DLC1: variants seen among roughly 807,000 people sequenced by gnomAD.
DLC1 encodes the protein DLC1 Rho GTPase activating protein.
Under a neutral mutation model 140.3 loss-of-function variants are expected in DLC1, and 54 were observed. The observed-to-expected ratio is 0.38, with a 90% CI of 0.31 to 0.48. The LOEUF (loss-of-function observed/expected upper bound fraction) is 0.48, where lower values mean the gene tolerates loss of function less well. Ranked by LOEUF, DLC1 falls within the 20% of genes least tolerant of loss-of-function variation. The probability of loss-of-function intolerance (pLI) is 0.96; values close to 1 mark genes in which losing one functional copy is unlikely to be tolerated. For missense variants in DLC1, 2,536 were observed against 1,907.0 expected, an observed-to-expected ratio of 1.33 and a Z score of -6.14; for synonymous variants, 986 against 728.1, an observed-to-expected ratio of 1.35 and a Z score of -5.70.
At chr8:13,298,542 C>G (rs1832054415) in intron 5 of DLC1, among the ~76,000 whole-genome samples, 1 of 152,128 alleles carries the variant, frequency 6.6e-6, no homozygotes, top group Non-Finnish European at 1.5e-5. Flanking sequence ...CACACAAAGA[C>G]AATATTCTTA....
intron 5 of DLC1, among the ~76,000 whole-genome samples, chr8:13,215,755 A>T (rs145717633): frequency 1.4e-4 from 22 of 152,326 alleles, no homozygotes; most frequent in African/African-American, 5.3e-4. Context: ...TGTGTTGATT[A>T]TTTATAAAAT....
chr8:13,128,589 T>C (rs142453068), intron 5 of DLC1, among the ~76,000 whole-genome samples: 6,339 of 152,234 alleles, frequency 0.042, 207 homozygotes, highest in Middle Eastern at 0.061. Flanking sequence ...TCCCAGCACT[T>C]TGGGAGGCCG....
intron 1 of DLC1, among the ~76,000 whole-genome samples, chr8:13,587,228 A>G (rs139186128): frequency 0.011 from 1,717 of 152,020 alleles, 29 homozygotes; most frequent in African/African-American, 0.039. Context: ...AACCCCTCAC[A>G]TTTGAAGAGA....
At chr8:13,099,046 A>G (rs1818750029) in intron 9 of DLC1, among the ~76,000 whole-genome samples, 1 of 127,872 alleles carries the variant, frequency 7.8e-6, no homozygotes, top group Admixed American at 7.7e-5. Context: ...CACAATATAA[A>G]GTGCACCATT....
intron 5 of DLC1, among the ~76,000 whole-genome samples, chr8:13,203,303 A>G (rs1323193734): frequency 1.3e-5 from 2 of 152,190 alleles, no homozygotes; most frequent in African/African-American, 4.8e-5. Context: ...TATTTGAATG[A>G]TTTCTTTTTT....
At chr8:13,590,307 T>C (rs1805476767) in intron 1 of DLC1, among the ~76,000 whole-genome samples, 1 of 152,052 alleles carries the variant, frequency 6.6e-6, no homozygotes, top group Admixed American at 6.6e-5. Context: ...ATCCCCAGTT[T>C]TTTTTTGCAG....
intron 2 of DLC1, among the ~76,000 whole-genome samples, chr8:13,482,031 T>C (rs1222910290): frequency 6.6e-6 from 1 of 152,132 alleles, no homozygotes; most frequent in African/African-American, 2.4e-5. Flanking sequence ...CAGAGCCAAT[T>C]GAAGGAGCTA....
chr8:13,304,681 A>T (rs1586101401), intron 5 of DLC1: 1 of 952,912 alleles, frequency 1.0e-6, no homozygotes, highest in South Asian at 4.9e-5. Flanking sequence ...ATGATTTTTT[A>T]AAAACACATA....
rs554587550 is a variant in DLC1, at chr8:13,258,766, T to A, written c.1348+46503A>T. Among the ~76,000 whole-genome samples the A allele has an allele frequency of 3.3e-5, 5 of 152,260 alleles. No homozygotes were observed. The South Asian group carries it at 1.0e-3, about 32-fold the overall frequency. ...TTCATTTCCTGTTTGTACGGGGGTC[T>A]GTTATTTCTCATATGGGTGGGAGAC... On this transcript the variant is annotated intron_variant, in intron 5 of 17. Coordinates refer to ENST00000276297, the MANE Select transcript of DLC1 (RefSeq NM_182643.3).
At chr8:13,489,659 G>T (rs1031038494) in intron 2 of DLC1, among the ~76,000 whole-genome samples, 1 of 152,070 alleles carries the variant, frequency 6.6e-6, no homozygotes, top group African/African-American at 2.4e-5. Flanking sequence ...AAGCAGGACT[G>T]AAACCCAGGC....
At chr8:13,218,210 C>T (rs1828302871) in intron 5 of DLC1, among the ~76,000 whole-genome samples, 1 of 152,112 alleles carries the variant, frequency 6.6e-6, no homozygotes. Flanking sequence ...AACTAGGATC[C>T]TTACCTTACA....
At chr8:13,512,126 A>G (rs1802399384) in intron 1 of DLC1, among the ~76,000 whole-genome samples, 2 of 152,252 alleles carry the variant, frequency 1.3e-5, no homozygotes, top group South Asian at 2.1e-4. Context: ...ACTTTACTGC[A>G]CTTATTTCTC....
At chr8:13,481,431 A>C (rs976142889) in intron 2 of DLC1, among the ~76,000 whole-genome samples, 2 of 152,346 alleles carry the variant, frequency 1.3e-5, no homozygotes, top group Non-Finnish European at 2.9e-5. Flanking sequence ...TGTCTCAAAA[A>C]GTAAATAAAT....
intron 5 of DLC1, among the ~76,000 whole-genome samples, chr8:13,124,807 C>G (rs1377129298): frequency 2.6e-5 from 4 of 152,168 alleles, no homozygotes; most frequent in African/African-American, 9.7e-5. Flanking sequence ...AGAAAGGGTT[C>G]CATGCCCGCT....
chr8:13,280,534 G>T (rs1831328960), intron 5 of DLC1, among the ~76,000 whole-genome samples: 1 of 151,928 alleles, frequency 6.6e-6, no homozygotes, highest in African/African-American at 2.4e-5. Context: ...ATCCTGCTTT[G>T]GTAATGTATT....
At chr8:13,172,680 G>C (rs1234862142) in intron 5 of DLC1, among the ~76,000 whole-genome samples, 1 of 152,180 alleles carries the variant, frequency 6.6e-6, no homozygotes, top group Non-Finnish European at 1.5e-5. Context: ...AACAAGCTTT[G>C]AATATAGATT....
At chr8:13,416,314 C>G (rs1344788528) in intron 2 of DLC1, among the ~76,000 whole-genome samples, 2 of 152,136 alleles carry the variant, frequency 1.3e-5, no homozygotes, top group African/African-American at 2.4e-5. Context: ...TGAAAACAAT[C>G]TCCATAACCT....
intron 1 of DLC1, among the ~76,000 whole-genome samples, chr8:13,586,399 A>G: frequency 6.6e-6 from 1 of 152,162 alleles, no homozygotes; most frequent in East Asian, 1.9e-4. Context: ...AGTAGGGAAG[A>G]GTCAAAGATG....
intron 4 of DLC1, among the ~76,000 whole-genome samples, chr8:13,339,188 T>G (rs1406641973): frequency 6.6e-6 from 1 of 152,178 alleles, no homozygotes; most frequent in Non-Finnish European, 1.5e-5. Flanking sequence ...TTAAAAGACA[T>G]TGAAATGATG....
Sources: gnomAD v4.1 joint callset for allele counts (sites outside exome capture counted in the v4.1 genomes callset) on GRCh38, gnomAD v4.1.1 for gene constraint, MANE v1.5 for transcripts, NCBI Gene and HGNC (gene_info 2026-07-23, HGNC 2026-07-21) for gene names.